GBE1: variants seen among roughly 807,000 people sequenced by gnomAD.
The protein encoded by GBE1 is 1,4-alpha-glucan branching enzyme 1, also known as 1,4-alpha-glucan-branching enzyme.
Under a neutral mutation model 88.8 loss-of-function variants are expected in GBE1, and 70 were observed. The ratio of observed to expected loss-of-function variants is 0.79; its 90% confidence interval spans 0.65 to 0.96. GBE1 has a LOEUF of 0.96. GBE1 is among the 40% of genes least tolerant of loss of function. GBE1 has a pLI of 0.00. For synonymous variants in GBE1, 284 were observed against 300.1 expected, an observed-to-expected ratio of 0.95 and a Z score of 0.56; for missense variants, 872 against 871.0, an observed-to-expected ratio of 1.00 and a Z score of -0.01.
At chr3:81,643,959 A>C (rs912839929) in intron 6 of GBE1, among the ~76,000 whole-genome samples, 5 of 152,080 alleles carry the variant, frequency 3.3e-5, no homozygotes. Context: ...TAATTATCTT[A>C]TGACACTCTC....
rs34051030 is a variant in GBE1, at chr3:81,749,005, C to CAA, written c.143+12368_143+12369dup. Reference sequence around the variant, plus strand: ...CTGGTGACAGAGCAAGACTCTGTCTCAAAAAAAAAAAAAAAAGAAAAAAGA... The same window carrying CAA: ...CTGGTGACAGAGCAAGACTCTGTCTCAAAAAAAAAAAAAAAAAAGAAAAAAGA... On this transcript the variant is annotated intron_variant, in intron 1 of 15. Transcript: ENST00000429644. Among the ~76,000 whole-genome samples, 1,041 of 107,804 alleles carry CAA rather than the reference C, an allele frequency of 9.7e-3. 12 individuals are homozygous for CAA. The highest frequency in any genetic ancestry group is 0.036 in the Middle Eastern group (7 of 192). 70.7% of individuals were successfully genotyped at this position (107,804 alleles called of 152,430 possible).
chr3:81,509,686 G>C (rs923024987), intron 14 of GBE1: 1 of 151,478 alleles, frequency 6.6e-6, no homozygotes. Flanking sequence ...TTTAATCTAT[G>C]CATGTTTTTG....
At chr3:81,615,392 A>T (rs1704235645) in intron 7 of GBE1, among the ~76,000 whole-genome samples, 1 of 152,160 alleles carries the variant, frequency 6.6e-6, no homozygotes, top group African/African-American at 2.4e-5. Context: ...GTGTCACTAG[A>T]AGGAATCCTC....
intron 12 of GBE1, among the ~76,000 whole-genome samples, chr3:81,567,933 T>C (rs1703514475): frequency 1.3e-5 from 2 of 152,182 alleles, no homozygotes; most frequent in Admixed American, 1.3e-4. Flanking sequence ...AGACCTATAA[T>C]GACCTTTATG....
intron 14 of GBE1, among the ~76,000 whole-genome samples, chr3:81,514,292 C>A (rs1352725412): frequency 1.3e-5 from 2 of 151,214 alleles, no homozygotes; most frequent in Non-Finnish European, 3.0e-5. Flanking sequence ...AATTAATGTT[C>A]TTGAAATAAA....
intron 2 of GBE1, among the ~76,000 whole-genome samples, chr3:81,690,746 CTTTAT>C (rs1322211140): frequency 2.0e-5 from 3 of 152,008 alleles, no homozygotes; most frequent in Non-Finnish European, 4.4e-5. Context: ...TTATGACTGT[CTTTAT>C]TTTGTTTCTA....
chr3:81,528,903 T>C (rs1019073318), intron 14 of GBE1, among the ~76,000 whole-genome samples: 1 of 152,028 alleles, frequency 6.6e-6, no homozygotes, highest in Non-Finnish European at 1.5e-5. Flanking sequence ...CAGTAGATAT[T>C]TAGGTTTTGT....
At chr3:81,557,810 T>C (rs976614893) in intron 12 of GBE1, among the ~76,000 whole-genome samples, 2 of 151,932 alleles carry the variant, frequency 1.3e-5, no homozygotes, top group African/African-American at 2.4e-5. Context: ...TATTAATACA[T>C]TATAGAAGAA....
chr3:81,531,304 C>T (rs911237242), intron 14 of GBE1, among the ~76,000 whole-genome samples: 2 of 152,058 alleles, frequency 1.3e-5, no homozygotes, highest in South Asian at 2.1e-4. Flanking sequence ...TAGGAGTCTG[C>T]TTGGTGTTTT....
intron 12 of GBE1, among the ~76,000 whole-genome samples, chr3:81,556,082 A>G: frequency 6.6e-6 from 1 of 152,134 alleles, no homozygotes; most frequent in East Asian, 1.9e-4. Context: ...ATGTAGATAT[A>G]CAGTAAAGTC....
chr3:81,647,529 A>T (rs1009997226), intron 5 of GBE1, among the ~76,000 whole-genome samples: 1 of 152,200 alleles, frequency 6.6e-6, no homozygotes, highest in Non-Finnish European at 1.5e-5. Flanking sequence ...TATTGGTCTT[A>T]AAAAAGCTAA....
At chr3:81,575,642 A>G (rs1335549801) in intron 12 of GBE1, among the ~76,000 whole-genome samples, 1 of 152,210 alleles carries the variant, frequency 6.6e-6, no homozygotes, top group Non-Finnish European at 1.5e-5. Context: ...AAGTTTAGAA[A>G]TGCCTAAAAG....
chr3:81,527,344 G>T (rs1451488895), intron 14 of GBE1, among the ~76,000 whole-genome samples: 3 of 151,656 alleles, frequency 2.0e-5, no homozygotes, highest in South Asian at 2.1e-4. Flanking sequence ...CAAAAGCAAT[G>T]GCAACAAAAG....
At chr3:81,724,414 T>C (rs1706079627) in intron 1 of GBE1, among the ~76,000 whole-genome samples, 1 of 152,170 alleles carries the variant, frequency 6.6e-6, no homozygotes, top group South Asian at 2.1e-4. Context: ...CACAGTTCTA[T>C]AGTACCAACA....
intron 6 of GBE1, among the ~76,000 whole-genome samples, chr3:81,643,488 A>G (rs911118993): frequency 6.6e-6 from 1 of 152,130 alleles, no homozygotes; most frequent in Non-Finnish European, 1.5e-5. Context: ...CACGTTTGTC[A>G]CCACCCAAGT....
intron 2 of GBE1, among the ~76,000 whole-genome samples, chr3:81,683,304 T>C (rs1705380689): frequency 6.6e-6 from 1 of 152,194 alleles, no homozygotes; most frequent in African/African-American, 2.4e-5. Context: ...CCTTTATTCA[T>C]TCACTTCTAC....
chr3:81,648,481 C>T (rs1576184442), intron 5 of GBE1, among the ~76,000 whole-genome samples: 3 of 152,104 alleles, frequency 2.0e-5, no homozygotes, highest in East Asian at 3.9e-4. Context: ...GGTCACATTA[C>T]AGATAAAATA....
intron 2 of GBE1, among the ~76,000 whole-genome samples, chr3:81,682,523 T>C (rs146330139): frequency 3.8e-3 from 584 of 152,178 alleles, no homozygotes; most frequent in African/African-American, 0.013. Flanking sequence ...TTCAACATTA[T>C]TAGTCATGAG....
chr3:81,599,524 C>T (rs1704004490), intron 7 of GBE1, among the ~76,000 whole-genome samples: 1 of 152,158 alleles, frequency 6.6e-6, no homozygotes, highest in Non-Finnish European at 1.5e-5. Context: ...TCCTAGGCTA[C>T]AAACCTGTAT....
Sources: gnomAD v4.1 joint callset for allele counts (sites outside exome capture counted in the v4.1 genomes callset) on GRCh38, gnomAD v4.1.1 for gene constraint, MANE v1.5 for transcripts, NCBI Gene and HGNC (gene_info 2026-07-23, HGNC 2026-07-21) for gene names.